The following MTCL3 variants were observed in gnomAD, a reference collection of about 807,000 sequenced individuals.
The protein encoded by MTCL3 is microtubule cross-linking factor 3.
chr6:127,515,588 G>A, the MTCL3 span: 1 of 1,435,800 alleles, frequency 7.0e-7, no homozygotes, highest in South Asian at 1.6e-5. The surrounding 1 kb of genome is among the most constrained non-coding windows in gnomAD (Gnocchi z 4.3). Flanking sequence ...AGCTGCTGCG[G>A]GTGCGGCTGC....
At chr6:127,496,807 G>T in the MTCL3 span, among the ~76,000 whole-genome samples, 40 of 152,144 alleles carry the variant, frequency 2.6e-4, no homozygotes, top group Non-Finnish European at 1.6e-4. Context: ...TATGATATTT[G>T]CCCAATGGGG....
chr6:127,516,086 C>T, the MTCL3 span: 1 of 1,501,836 alleles, frequency 6.7e-7, no homozygotes, highest in Non-Finnish European at 8.8e-7. Flanking sequence ...GAGCCGCCGC[C>T]GGCTCCTCCT....
At chr6:127,505,203 G>A in the MTCL3 span, among the ~76,000 whole-genome samples, 1 of 152,186 alleles carries the variant, frequency 6.6e-6, no homozygotes, top group African/African-American at 2.4e-5. Context: ...CAGGCCCTGA[G>A]TACTGAGTAG....
At chr6:127,501,522 G>C in the MTCL3 span, among the ~76,000 whole-genome samples, 3 of 152,150 alleles carry the variant, frequency 2.0e-5, no homozygotes, top group Non-Finnish European at 4.4e-5. Context: ...TAATGTAATG[G>C]TAAGAAACTG....
chr6:127,510,389 A>G, the MTCL3 span, among the ~76,000 whole-genome samples: 6 of 152,178 alleles, frequency 3.9e-5, no homozygotes, highest in African/African-American at 9.7e-5. Flanking sequence ...AAGGAAACGC[A>G]TCTTTACAAT....
the MTCL3 span, chr6:127,515,193 A>C: frequency 1.3e-6 from 1 of 773,738 alleles, no homozygotes; most frequent in Non-Finnish European, 2.1e-6. This position sits in a 1 kb window ranked among gnomAD's most constrained non-coding sequence, Gnocchi z 4.3. Context: ...AGCTGAGTAC[A>C]GAAGAGGAAA....
the MTCL3 span, among the ~76,000 whole-genome samples, chr6:127,514,440 T>A: frequency 6.6e-6 from 1 of 152,222 alleles, no homozygotes; most frequent in Admixed American, 6.5e-5. Context: ...TTAGTGCAGC[T>A]CCTGACTGCC....
chr6:127,504,605 G>A, the MTCL3 span, among the ~76,000 whole-genome samples: 8 of 152,202 alleles, frequency 5.3e-5, no homozygotes, highest in Admixed American at 4.6e-4. Context: ...AAGCCTGAAC[G>A]CACCACATGG....
chr6:127,490,824 C>T, the MTCL3 span, among the ~76,000 whole-genome samples: 4,994 of 152,048 alleles, frequency 0.033, 269 homozygotes, highest in African/African-American at 0.11. Flanking sequence ...CTCAAACAAA[C>T]AAACAAACAA....
At chr6:127,507,567 T>A in the MTCL3 span, among the ~76,000 whole-genome samples, 21 of 152,112 alleles carry the variant, frequency 1.4e-4, no homozygotes, top group African/African-American at 5.1e-4. Flanking sequence ...ATAAAATTTA[T>A]AATGCCTACA....
At chr6:127,498,019 A>G in the MTCL3 span, among the ~76,000 whole-genome samples, 1 of 152,184 alleles carries the variant, frequency 6.6e-6, no homozygotes, top group Non-Finnish European at 1.5e-5. Context: ...ATTGAAGTGA[A>G]TCTTCCTGTA....
the MTCL3 span, chr6:127,515,614 G>A: frequency 2.1e-6 from 3 of 1,416,646 alleles, no homozygotes; most frequent in Non-Finnish European, 1.8e-6. This position sits in a 1 kb window ranked among gnomAD's most constrained non-coding sequence, Gnocchi z 4.3. Flanking sequence ...AGGGGGCGCT[G>A]CCGCCTGCAT....
At chr6:127,499,978 T>C in the MTCL3 span, among the ~76,000 whole-genome samples, 3 of 152,186 alleles carry the variant, frequency 2.0e-5, no homozygotes, top group Non-Finnish European at 2.9e-5. Context: ...GCCTCTATAA[T>C]ACTATTTCCT....
chr6:127,473,407 C>A, the MTCL3 span: 1 of 1,488,666 alleles, frequency 6.7e-7, no homozygotes, highest in African/African-American at 1.5e-5. Context: ...AAGGTAAATG[C>A]AAAGACAAAG....
At chr6:127,516,652 T>C in the MTCL3 span, 3 of 1,573,828 alleles carry the variant, frequency 1.9e-6, no homozygotes, top group East Asian at 6.8e-5. Flanking sequence ...GAAGAGCCCA[T>C]TACTAGATCA....
chr6:127,516,442 C>A, the MTCL3 span: 1 of 1,599,824 alleles, frequency 6.3e-7, no homozygotes, highest in Non-Finnish European at 8.5e-7. Flanking sequence ...CACTGGGGAC[C>A]GGGTGGCCGC....
the MTCL3 span, chr6:127,476,557 T>C: frequency 9.3e-7 from 1 of 1,073,398 alleles, no homozygotes; most frequent in Non-Finnish European, 1.3e-6. The surrounding 1 kb of genome is among the most constrained non-coding windows in gnomAD (Gnocchi z 4.4). Context: ...GGATAAATAA[T>C]TTTTCTTGCA....
At chr6:127,476,420 C>A in the MTCL3 span, 1 of 1,611,292 alleles carries the variant, frequency 6.2e-7, no homozygotes, top group Non-Finnish European at 8.5e-7. The surrounding 1 kb of genome is among the most constrained non-coding windows in gnomAD (Gnocchi z 4.4). Context: ...ATCAAAGCGG[C>A]TTCTTCCTTA....
the MTCL3 span, among the ~76,000 whole-genome samples, chr6:127,479,288 T>C: frequency 6.6e-6 from 1 of 152,212 alleles, no homozygotes; most frequent in African/African-American, 2.4e-5. Context: ...GAGGTCACTC[T>C]CGTTGCCATC....
Sources: allele counts gnomAD v4.1 joint callset (sites outside exome capture counted in the v4.1 genomes callset), GRCh38; gene constraint gnomAD v4.1.1; non-coding constraint Gnocchi (gnomAD v3.1); transcripts MANE v1.5; gene names NCBI Gene and HGNC (gene_info 2026-07-23, HGNC 2026-07-21).